The following ZBTB17 variants were observed in gnomAD, a reference collection of about 807,000 sequenced individuals.
ZBTB17 encodes the protein zinc finger and BTB domain-containing protein 17.
Under a neutral mutation model 85.1 loss-of-function variants are expected in ZBTB17, and 24 were observed. The ratio of observed to expected loss-of-function variants is 0.28; its 90% confidence interval spans 0.20 to 0.40. ZBTB17 has a LOEUF of 0.40. ZBTB17 is among the 10% of genes least tolerant of loss of function. The pLI is 1.00. For missense variants in ZBTB17, 743 were observed against 1,105.1 expected, an observed-to-expected ratio of 0.67 and a Z score of 4.65; for synonymous variants, 464 against 460.2, an observed-to-expected ratio of 1.01 and a Z score of -0.11.
At chr1:15,974,563 TTGC>T in intron 1 of ZBTB17, among the ~76,000 whole-genome samples, 1 of 152,046 alleles carries the variant, frequency 6.6e-6, no homozygotes, top group African/African-American at 2.4e-5. Flanking sequence ...AGACCACAGC[TTGC>T]TGCTGCTTTT....
rs763894878 is a variant in ZBTB17 at position 15,942,544 on chromosome 1, C to T, written c.2023G>A (p.Val675Ile). 16 of 1,611,036 alleles carry T rather than the reference C, an allele frequency of 9.9e-6. No homozygotes were observed. The highest frequency in any genetic ancestry group is 4.5e-5 in the East Asian group (2 of 44,878). ...LATEALAATAVTQLTVVPVGA... is the reference protein window; with the variant it reads ...LATEALAATAITQLTVVPVGA... ...CAGCCCGCACCTGTGAGCTGAGTGA[C>T]GGCTGTCGCTGCCAGTGCCTCGGTA... Residue 675 changes from valine to isoleucine, a missense_variant, in exon 14 of 16, where the codon GTC (valine) becomes ATC (isoleucine). Physicochemically the swap from Val to Ile is conservative, Grantham distance 29. Transcript: ENST00000375743.
chr1:15,971,551 TATATATATACACACA>T lies in ZBTB17; in HGVS notation c.-3+1473_-3+1487del, dbSNP rs1240113681. ...ACACACTATATATATACACACACAC[TATATATATACACACA>T]CACTATATATATATACACACACACT... On this transcript the variant is annotated intron_variant, in intron 2 of 15. Transcript: ENST00000375743. Among the ~76,000 whole-genome samples, 3 of 72,886 alleles carry T rather than the reference TATATATATACACACA, an allele frequency of 4.1e-5. No individual in the cohort carries two copies. In the East Asian group the frequency reaches 1.5e-3, roughly 36 times the overall value. The allele number at this position is 72,886 out of a possible 152,430, so 47.8% of individuals were successfully genotyped here.
At chr1:15,956,440 AC>A (rs1193415996) in intron 2 of ZBTB17, among the ~76,000 whole-genome samples, 1 of 152,202 alleles carries the variant, frequency 6.6e-6, no homozygotes, top group Admixed American at 6.5e-5. Context: ...TATTTCCTAG[AC>A]CCTTATGAAA....
rs1220147673 is a variant in ZBTB17, at chr1:15,942,557, C to T, written c.2010G>A (p.Leu670=). Residue 670 remains leucine, a synonymous_variant, in exon 14 of 16, where the codon CTG becomes CTA. Transcript: ENST00000375743. ...TGAGCTGAGTGACGGCTGTCGCTGCCAGTGCCTCGGTAGCCAGCGTGACCA... is the reference window on the plus strand; with the variant it reads ...TGAGCTGAGTGACGGCTGTCGCTGCTAGTGCCTCGGTAGCCAGCGTGACCA... ...DDMVTLATEA[L]AATAVTQLTV... 2 of 1,611,856 alleles carry T rather than the reference C, an allele frequency of 1.2e-6. No individual in the cohort carries two copies. The highest frequency in any genetic ancestry group is 1.7e-5 in the Admixed American group (1 of 60,034).
intron 2 of ZBTB17, among the ~76,000 whole-genome samples, chr1:15,956,178 G>A (rs1570158364): frequency 6.6e-6 from 1 of 152,214 alleles, no homozygotes; most frequent in Admixed American, 6.5e-5. Context: ...ACACCCATCA[G>A]CCACAAATAC....
At chr1:15,961,334 A>G (rs1242210441) in intron 2 of ZBTB17, among the ~76,000 whole-genome samples, 1 of 152,250 alleles carries the variant, frequency 6.6e-6, no homozygotes, top group African/African-American at 2.4e-5. Context: ...AACACCAACT[A>G]TGAAATACAT....
intron 2 of ZBTB17, among the ~76,000 whole-genome samples, chr1:15,971,040 A>T (rs551601235): frequency 9.9e-5 from 15 of 152,226 alleles, no homozygotes; most frequent in African/African-American, 2.9e-4. Context: ...AAAAAAGTCT[A>T]AGTAGTTATG....
At chr1:15,969,163 T>C (rs2072550241) in intron 2 of ZBTB17, among the ~76,000 whole-genome samples, 1 of 152,176 alleles carries the variant, frequency 6.6e-6, no homozygotes, top group African/African-American at 2.4e-5. Context: ...GTGAAGGATC[T>C]AGGTTGTGAG....
chr1:15,963,344 TAAAAA>T (rs2072325739), intron 2 of ZBTB17, among the ~76,000 whole-genome samples: 1 of 152,076 alleles, frequency 6.6e-6, no homozygotes, highest in Non-Finnish European at 1.5e-5. Flanking sequence ...TAAGAGGAGT[TAAAAA>T]TAAAATAAAA....
chr1:15,950,860 C>T (rs2071807310), intron 2 of ZBTB17, among the ~76,000 whole-genome samples: 1 of 152,202 alleles, frequency 6.6e-6, no homozygotes, highest in Non-Finnish European at 1.5e-5. Context: ...GATGAGCCTC[C>T]CTGTGGCCAT....
In ZBTB17 at chr1:15,945,698, T is replaced by C. The variant is rs2148762137; in HGVS notation, c.661+17A>G. 1 of 1,606,324 alleles carries C rather than the reference T, an allele frequency of 6.2e-7. No homozygotes were observed. Among genetic ancestry groups the C allele is most frequent in the Non-Finnish European group, 8.5e-7 (1 of 1,179,720 alleles). On this transcript the variant is annotated intron_variant, in intron 6 of 15. Transcript: ENST00000375743. ...GGATGCACCAGGTAGGGCCTGGTCC[T>C]GGCTGGGCGGGGCTACCTTGCTCCG...
At chr1:15,963,972 T>A (rs2072349820) in intron 2 of ZBTB17, among the ~76,000 whole-genome samples, 1 of 151,020 alleles carries the variant, frequency 6.6e-6, no homozygotes, top group Admixed American at 6.6e-5. Context: ...AAGTAAAAAT[T>A]AGCAGGGTGT....
intron 4 of ZBTB17, among the ~76,000 whole-genome samples, chr1:15,946,680 A>C (rs1284946475): frequency 1.3e-5 from 2 of 152,248 alleles, no homozygotes; most frequent in African/African-American, 4.8e-5. Flanking sequence ...GGAGGGGCTC[A>C]GGAGAACAGA....
At position 15,944,854 on chromosome 1, in the gene ZBTB17, G is replaced by A; in HGVS notation, c.928-15C>T. ...TTCCCACAGTCCTGTGGGTGCAGCG[G>A]GGAAGCGGGGTGTGAGGAGCAGCCG... On this transcript the variant is annotated splice_polypyrimidine_tract_variant and intron_variant, in intron 7 of 15. Transcript: ENST00000375743. 1.3e-6 allele frequency: 2 copies of A among 1,582,214 alleles called. No homozygotes were observed. Among genetic ancestry groups the A allele is most frequent in the East Asian group, 2.3e-5 (1 of 43,378 alleles).
rs1417050680 is a variant in ZBTB17 at position 15,953,362 on chromosome 1, T to C, written c.-2-4865A>G. 3.9e-5 allele frequency among the ~76,000 whole-genome samples: 6 copies of C among 152,118 alleles called. No homozygotes were observed. Among genetic ancestry groups the C allele is most frequent in the African/African-American group, 7.2e-5 (3 of 41,416 alleles). ...AAAAGTGAGGTTCAGTTGCCAGACT[T>C]GATCCAGTCATGGCACAGAGTGTGC... On this transcript the variant is annotated intron_variant, in intron 2 of 15. Coordinates refer to ENST00000375743, the MANE Select transcript of ZBTB17 (RefSeq NM_003443.3). This position sits in a 1 kb window ranked among gnomAD's most constrained non-coding sequence, Gnocchi z 5.1.
chr1:15,966,899 C>A lies in ZBTB17; in HGVS notation c.-3+6140G>T, dbSNP rs965839419. Among the ~76,000 whole-genome samples, 3 of 150,714 alleles carry A rather than the reference C, an allele frequency of 2.0e-5. No individual in the cohort carries two copies. Among genetic ancestry groups the A allele is most frequent in the East Asian group, 1.9e-4 (1 of 5,158 alleles). On this transcript the variant is annotated intron_variant, in intron 2 of 15. Transcript: ENST00000375743. This position sits in a 1 kb window ranked among gnomAD's most constrained non-coding sequence, Gnocchi z 4.1. ...CTCCAACCTGGGCGAAAGAGCGAGA[C>A]CCTGTCTCAAAAATTAAATTAATTA...
chr1:15,957,497 G>A (rs1024726270), intron 2 of ZBTB17, among the ~76,000 whole-genome samples: 6 of 152,100 alleles, frequency 3.9e-5, no homozygotes, highest in African/African-American at 1.2e-4. Context: ...GGCTGAGCTC[G>A]CCCAGGGTCT....
chr1:15,943,938 G>A (rs1198116145), intron 9 of ZBTB17, 43 bp from the exon 10 acceptor site: 3 of 1,538,834 alleles, frequency 1.9e-6, no homozygotes, highest in Middle Eastern at 1.7e-4. Context: ...CACAGAGCTC[G>A]GCCCCGGGCC....
intron 2 of ZBTB17, among the ~76,000 whole-genome samples, chr1:15,965,108 C>T (rs1333870635): frequency 4.2e-5 from 6 of 142,516 alleles, no homozygotes; most frequent in Non-Finnish European, 7.6e-5. Context: ...AGTGAGACTC[C>T]GTATCAAAAA....
Sources: allele counts gnomAD v4.1 joint callset (sites outside exome capture counted in the v4.1 genomes callset), GRCh38; gene constraint gnomAD v4.1.1; non-coding constraint Gnocchi (gnomAD v3.1); transcripts MANE v1.5; gene names NCBI Gene and HGNC (gene_info 2026-07-23, HGNC 2026-07-21).